CSMD1: variants seen among roughly 807,000 people sequenced by gnomAD.
CSMD1 encodes CUB and Sushi multiple domains 1.
Under a neutral mutation model 417.5 loss-of-function variants are expected in CSMD1, and 213 were observed. That is an observed-to-expected ratio of 0.51 (90% CI 0.46 to 0.57). The LOEUF (loss-of-function observed/expected upper bound fraction) is 0.57. Ranked by LOEUF, CSMD1 falls within the 20% of genes least tolerant of loss-of-function variation. The probability of loss-of-function intolerance (pLI) is 0.00; values close to 1 mark genes in which losing one functional copy is unlikely to be tolerated. For missense variants in CSMD1, 6,923 were observed against 4,529.7 expected (o/e 1.53, Z -15.17); for synonymous variants, 2,862 against 1,736.8 (o/e 1.65, Z -16.11).
At chr8:3,413,312 G>C (rs1812932085) in intron 12 of CSMD1, among the ~76,000 whole-genome samples, 1 of 152,136 alleles carries the variant, frequency 6.6e-6, no homozygotes, top group African/African-American at 2.4e-5. Context: ...ACTGTGCAGA[G>C]GTTTCAGAAA....
At chr8:4,348,597 G>C (rs1800909563) in intron 3 of CSMD1, among the ~76,000 whole-genome samples, 1 of 146,792 alleles carries the variant, frequency 6.8e-6, no homozygotes, top group African/African-American at 2.6e-5. Context: ...ATGTGTGTGT[G>C]CGTGGGTGTG....
intron 7 of CSMD1, among the ~76,000 whole-genome samples, chr8:3,622,481 A>T (rs1430976502): frequency 6.6e-6 from 1 of 152,244 alleles, no homozygotes; most frequent in Non-Finnish European, 1.5e-5. Context: ...CAGTTAAAAG[A>T]AATGGCAGAA....
chr8:4,557,353 C>G (rs540676937), intron 2 of CSMD1, among the ~76,000 whole-genome samples: 1 of 151,640 alleles, frequency 6.6e-6, no homozygotes, highest in Non-Finnish European at 1.5e-5. Context: ...TAGCAGATGC[C>G]TTGATATGCC....
At chr8:3,535,479 G>A (rs142822315) in intron 10 of CSMD1, among the ~76,000 whole-genome samples, 1 of 152,252 alleles carries the variant, frequency 6.6e-6, no homozygotes, top group South Asian at 2.1e-4. Context: ...TCACTTATAA[G>A]TGGGAGCTAA....
At chr8:3,501,137 C>G (rs1796582710) in intron 10 of CSMD1, among the ~76,000 whole-genome samples, 1 of 152,020 alleles carries the variant, frequency 6.6e-6, no homozygotes, top group East Asian at 1.9e-4. Flanking sequence ...TGATATGGGT[C>G]CATTCAAATA....
At chr8:3,120,720 A>T (rs1817155481) in intron 41 of CSMD1, among the ~76,000 whole-genome samples, 1 of 151,482 alleles carries the variant, frequency 6.6e-6, no homozygotes, top group African/African-American at 2.4e-5. Context: ...GGTGACCGGC[A>T]CCTGTAATCC....
At chr8:3,811,235 C>G (rs952820739) in intron 5 of CSMD1, among the ~76,000 whole-genome samples, 4 of 152,088 alleles carry the variant, frequency 2.6e-5, no homozygotes, top group Non-Finnish European at 5.9e-5. Flanking sequence ...GTATGAAACA[C>G]CCAAGTTAAT....
chr8:3,307,407 A>C (rs896976507), intron 25 of CSMD1, among the ~76,000 whole-genome samples: 1 of 50,408 alleles, frequency 2.0e-5, no homozygotes, highest in Non-Finnish European at 4.7e-5. Context: ...CAACCCACGA[A>C]GTCATGATGT....
intron 1 of CSMD1, among the ~76,000 whole-genome samples, chr8:4,681,148 A>G (rs938785295): frequency 2.0e-5 from 3 of 152,212 alleles, no homozygotes; most frequent in Non-Finnish European, 2.9e-5. Context: ...CATAGGCATG[A>G]ATGGCCAACA....
chr8:3,202,646 T>C (rs550001351), intron 31 of CSMD1, among the ~76,000 whole-genome samples: 29 of 152,352 alleles, frequency 1.9e-4, no homozygotes, highest in African/African-American at 6.7e-4. Flanking sequence ...TAAGCCATTA[T>C]AAACAAGAAA....
intron 12 of CSMD1, among the ~76,000 whole-genome samples, chr8:3,445,810 C>T (rs1414962639): frequency 1.3e-5 from 2 of 151,934 alleles, no homozygotes; most frequent in Non-Finnish European, 2.9e-5. Flanking sequence ...AACATAACAC[C>T]CAAAGGCAAC....
At chr8:4,879,318 G>C (rs948581858) in intron 1 of CSMD1, among the ~76,000 whole-genome samples, 1 of 151,978 alleles carries the variant, frequency 6.6e-6, no homozygotes, top group African/African-American at 2.4e-5. Flanking sequence ...GCAGGACTTG[G>C]AAATATAGGA....
chr8:4,166,036 T>C (rs368731712), intron 3 of CSMD1, among the ~76,000 whole-genome samples: 4 of 152,296 alleles, frequency 2.6e-5, no homozygotes, highest in African/African-American at 7.2e-5. Context: ...CTTGACCTTA[T>C]TTACATGCTC....
intron 10 of CSMD1, among the ~76,000 whole-genome samples, chr8:3,533,316 G>A (rs191629916): frequency 2.6e-4 from 39 of 152,100 alleles, no homozygotes; most frequent in African/African-American, 7.5e-4. Context: ...ACTATAAACC[G>A]AGATTGTACA....
intron 12 of CSMD1, among the ~76,000 whole-genome samples, chr8:3,454,453 G>T (rs1054787924): frequency 6.6e-6 from 1 of 152,184 alleles, no homozygotes; most frequent in African/African-American, 2.4e-5. Flanking sequence ...GCTGGTACCG[G>T]TTGTTCCTTT....
chr8:3,693,985 G>A (rs1220763474), intron 7 of CSMD1, among the ~76,000 whole-genome samples: 1 of 151,220 alleles, frequency 6.6e-6, no homozygotes, highest in African/African-American at 2.4e-5. Flanking sequence ...TATGTGTGTT[G>A]TTAGTGTGTG....
At chr8:3,744,222 G>A (rs138252154) in intron 6 of CSMD1, among the ~76,000 whole-genome samples, 15 of 152,290 alleles carry the variant, frequency 9.8e-5, no homozygotes, top group Admixed American at 5.9e-4. Context: ...TGTTCAAGCC[G>A]CAGCAGGTGT....
chr8:4,063,478 T>G (rs1337437969), intron 3 of CSMD1, among the ~76,000 whole-genome samples: 1 of 152,228 alleles, frequency 6.6e-6, no homozygotes, highest in East Asian at 1.9e-4. Context: ...ATGTCTTATA[T>G]GCGTCTATTA....
chr8:4,242,515 T>C (rs142480648), intron 3 of CSMD1, among the ~76,000 whole-genome samples: 1 of 152,242 alleles, frequency 6.6e-6, no homozygotes, highest in Non-Finnish European at 1.5e-5. Flanking sequence ...TTATTAAGTA[T>C]CTTAAAAATG....
Sources: allele counts gnomAD v4.1 joint callset (sites outside exome capture counted in the v4.1 genomes callset), GRCh38; gene constraint gnomAD v4.1.1; transcripts MANE v1.5; gene names NCBI Gene and HGNC (gene_info 2026-07-23, HGNC 2026-07-21).